The following CDH4 variants were observed in gnomAD, a reference collection of about 807,000 sequenced individuals.
CDH4 encodes the protein cadherin 4.
A neutral mutation model predicts 86.0 loss-of-function variants in CDH4; 33 were observed. The observed-to-expected ratio is 0.38, with a 90% CI of 0.29 to 0.51. The LOEUF (loss-of-function observed/expected upper bound fraction) is 0.51. Among genes scored for constraint, CDH4 ranks in the 20% least tolerant of loss-of-function variants. The pLI is 0.86. For synonymous variants in CDH4, 555 were observed against 549.4 expected (o/e 1.01, Z -0.14); for missense variants, 1,114 against 1,307.4 (o/e 0.85, Z 2.28).
intron 2 of CDH4, among the ~76,000 whole-genome samples, chr20:61,319,124 C>A (rs1681196318): frequency 6.6e-6 from 1 of 152,104 alleles, no homozygotes; most frequent in Non-Finnish European, 1.5e-5. Context: ...CTTAGCTCAG[C>A]CCTCTCTGTA....
chr20:61,864,505 C>G (rs1983459779), intron 6 of CDH4, among the ~76,000 whole-genome samples: 1 of 152,162 alleles, frequency 6.6e-6, no homozygotes, highest in Non-Finnish European at 1.5e-5. Context: ...TGGGAGAGGG[C>G]TGTGTGACCC....
At position 61,829,224 on chromosome 20, in the gene CDH4, G is replaced by A. The variant is rs1981472389; in HGVS notation, c.577-15444G>A. On this transcript the variant is annotated intron_variant, in intron 4 of 15. Transcript: ENST00000614565. The surrounding 1 kb of genome is among the most constrained non-coding windows in gnomAD (Gnocchi z 4.2). ...ACTTCCTGTCTCTATGGATTTGCCT[G>A]TCCTGCATACTTTGTGTCAATGGAA... Among the ~76,000 whole-genome samples, 1 of 152,258 alleles carries A rather than the reference G, an allele frequency of 6.6e-6. No individual in the cohort carries two copies. Among genetic ancestry groups the A allele is most frequent in the Non-Finnish European group, 1.5e-5 (1 of 68,052 alleles).
intron 2 of CDH4, among the ~76,000 whole-genome samples, chr20:61,493,670 C>CT (rs1041111832): frequency 1.3e-5 from 2 of 152,192 alleles, no homozygotes; most frequent in Non-Finnish European, 2.9e-5. Context: ...CATCTTGGGG[C>CT]TAGTGGTCTT....
intron 2 of CDH4, among the ~76,000 whole-genome samples, chr20:61,507,209 AG>A (rs530955629): frequency 3.9e-3 from 597 of 152,320 alleles, no homozygotes; most frequent in Non-Finnish European, 7.1e-3. Flanking sequence ...TCTTCCCCAA[AG>A]GTAGTTTTTC....
chr20:61,836,104 C>G (rs942163944), intron 4 of CDH4, among the ~76,000 whole-genome samples: 1 of 152,202 alleles, frequency 6.6e-6, no homozygotes, highest in Non-Finnish European at 1.5e-5. Context: ...GACTCCAGGT[C>G]CACATTGGTG....
At chr20:61,632,586 C>T (rs1002546511) in intron 2 of CDH4, among the ~76,000 whole-genome samples, 12 of 152,070 alleles carry the variant, frequency 7.9e-5, no homozygotes, top group African/African-American at 2.7e-4. Flanking sequence ...AGGCAGCCCC[C>T]ACTCTACCCT....
intron 2 of CDH4, among the ~76,000 whole-genome samples, chr20:61,315,765 G>A (rs572664703): frequency 1.2e-4 from 18 of 152,210 alleles, no homozygotes; most frequent in Non-Finnish European, 2.5e-4. Context: ...GTGCAGTGGT[G>A]CGATCATAGC....
intron 4 of CDH4, among the ~76,000 whole-genome samples, chr20:61,804,368 A>C (rs955033305): frequency 1.3e-5 from 2 of 152,204 alleles, no homozygotes; most frequent in African/African-American, 4.8e-5. Context: ...TGTCCCCTGC[A>C]CAGCCACTGT....
intron 2 of CDH4, among the ~76,000 whole-genome samples, chr20:61,696,919 T>C (rs1030580385): frequency 4.6e-5 from 7 of 151,600 alleles, no homozygotes; most frequent in Admixed American, 2.6e-4. Flanking sequence ...CAGAATGCAG[T>C]TGGGGAAAAG....
intron 2 of CDH4, among the ~76,000 whole-genome samples, chr20:61,440,095 A>C (rs1000051784): frequency 2.0e-5 from 3 of 152,252 alleles, no homozygotes; most frequent in African/African-American, 7.2e-5. Flanking sequence ...AAATGCAAAC[A>C]TGCAGGATTT....
At chr20:61,563,064 C>T (rs922293733) in intron 2 of CDH4, among the ~76,000 whole-genome samples, 3 of 152,248 alleles carry the variant, frequency 2.0e-5, no homozygotes. Flanking sequence ...GAAGTCTACA[C>T]GAGGGTCCGT....
rs1040086720 is a variant in CDH4 at position 61,743,657 on chromosome 20, C to G, written c.264C>G (p.Thr88=). The change falls in exon 3 of 16, where the codon ACC becomes ACG. Residue 88 remains threonine (T), a synonymous_variant. Transcript: ENST00000614565. ...GGGCAGATGGGACAGTCTTCGCCAC[C>G]CGGGAGCTGCAGGTCCCCTCCGAGC... is the stretch of plus-strand genomic sequence containing the variant. The part of the protein sequence containing the change: ...KVGADGTVFA[T]RELQVPSEQV... 1.3e-6 allele frequency: 2 copies of G among 1,598,836 alleles called. No homozygotes were observed. The highest frequency in any genetic ancestry group is 1.3e-5 in the African/African-American group (1 of 74,748).
intron 2 of CDH4, among the ~76,000 whole-genome samples, chr20:61,303,331 T>C (rs1021385478): frequency 1.3e-5 from 2 of 152,198 alleles, no homozygotes; most frequent in African/African-American, 4.8e-5. Context: ...CTGCTGCTGG[T>C]CCAGGTGCCT....
intron 4 of CDH4, among the ~76,000 whole-genome samples, chr20:61,831,831 A>G (rs1981630422): frequency 6.6e-6 from 1 of 152,236 alleles, no homozygotes; most frequent in Non-Finnish European, 1.5e-5. Context: ...TGAATCCTCC[A>G]GCCTCTCCAG....
chr20:61,534,665 C>CTTTTTTTTTT lies in CDH4; in HGVS notation c.170-208885_170-208876dup, dbSNP rs34309371. On this transcript the variant is annotated intron_variant, in intron 2 of 15. Coordinates refer to ENST00000614565, the MANE Select transcript of CDH4 (RefSeq NM_001794.5). ...CTTTCTTTCTTTTCTTTCTTTCTTT[C>CTTTTTTTTTT]TTTTTTTTTTTTTTTTTTTTTTGAG... Among the ~76,000 whole-genome samples, 97 of 76,006 alleles carry CTTTTTTTTTT rather than the reference C, an allele frequency of 1.3e-3. 5 individuals carry two copies. Among genetic ancestry groups the CTTTTTTTTTT allele is most frequent in the African/African-American group, 7.3e-3 (68 of 9,302 alleles). The allele number at this position is 76,006 out of a possible 152,430, so 49.9% of individuals were successfully genotyped here.
intron 2 of CDH4, among the ~76,000 whole-genome samples, chr20:61,652,939 T>TTTA (rs1491500886): frequency 2.9e-5 from 3 of 103,706 alleles, no homozygotes; most frequent in Admixed American, 9.4e-5. Flanking sequence ...TATTTATTTA[T>TTTA]TTTTTTTTTT....
intron 2 of CDH4, among the ~76,000 whole-genome samples, chr20:61,320,640 T>C (rs2084502881): frequency 6.6e-6 from 1 of 151,956 alleles, no homozygotes; most frequent in Non-Finnish European, 1.5e-5. Flanking sequence ...GCAGGGGTGC[T>C]GCCAAGTGCC....
intron 6 of CDH4, among the ~76,000 whole-genome samples, chr20:61,861,521 C>T (rs976262978): frequency 6.6e-6 from 1 of 152,170 alleles, no homozygotes; most frequent in Non-Finnish European, 1.5e-5. Context: ...CTCTGCAAAC[C>T]GCCTCCCCTT....
At chr20:61,727,907 A>C (rs569520779) in intron 2 of CDH4, among the ~76,000 whole-genome samples, 1 of 152,274 alleles carries the variant, frequency 6.6e-6, no homozygotes, top group Admixed American at 6.5e-5. Context: ...GGGCCAAACC[A>C]ACCATGACCA....
Sources: gnomAD v4.1 joint callset for allele counts (sites outside exome capture counted in the v4.1 genomes callset) on GRCh38, gnomAD v4.1.1 for gene constraint, Gnocchi (gnomAD v3.1) non-coding constraint, MANE v1.5 for transcripts, NCBI Gene and HGNC (gene_info 2026-07-23, HGNC 2026-07-21) for gene names.